Variants in PBX1 observed in about 807,000 individuals in gnomAD.
PBX1 encodes pre-B-cell leukemia transcription factor 1.
PBX1 carries 6 observed loss-of-function variants against 53.4 expected under a neutral mutation model. The ratio of observed to expected loss-of-function variants is 0.11; its 90% CI spans 0.06 to 0.22. The LOEUF (loss-of-function observed/expected upper bound fraction) is 0.22, where lower values mean the gene tolerates loss of function less well. Among genes scored for constraint, PBX1 ranks in the 10% least tolerant of loss-of-function variants. The pLI is 1.00. For missense variants in PBX1, 251 were observed against 551.4 expected, an observed-to-expected ratio of 0.46 and a Z score of 5.46; for synonymous variants, 204 against 212.3, an observed-to-expected ratio of 0.96 and a Z score of 0.34.
At chr1:164,881,674 C>A (rs185314537) in intron 2 of PBX1, among the ~76,000 whole-genome samples, 1 of 139,114 alleles carries the variant, frequency 7.2e-6, no homozygotes, top group East Asian at 2.1e-4. Context: ...AAGGAGAGAG[C>A]TAGGAAGTTC....
intron 2 of PBX1, among the ~76,000 whole-genome samples, chr1:164,613,469 G>A (rs1386898106): frequency 6.6e-6 from 1 of 152,134 alleles, no homozygotes; most frequent in Non-Finnish European, 1.5e-5. Flanking sequence ...TCAGGAATCA[G>A]CTGAAGTATC....
intron 2 of PBX1, among the ~76,000 whole-genome samples, chr1:164,765,150 T>C (rs568575274): frequency 9.9e-5 from 15 of 152,238 alleles, no homozygotes; most frequent in Admixed American, 7.2e-4. Flanking sequence ...TAGAAACATA[T>C]AGAGGTGATG....
At chr1:164,786,272 C>A (rs912207286) in intron 2 of PBX1, among the ~76,000 whole-genome samples, 1 of 152,144 alleles carries the variant, frequency 6.6e-6, no homozygotes, top group Non-Finnish European at 1.5e-5. Context: ...TGGGGAACCG[C>A]CTTTCAGGAG....
chr1:164,828,115 T>G (rs184735234), intron 8 of PBX1, among the ~76,000 whole-genome samples: 9 of 152,184 alleles, frequency 5.9e-5, no homozygotes, highest in African/African-American at 1.9e-4. Flanking sequence ...CCCAACCAAA[T>G]AGATATACCA....
At chr1:164,698,968 G>A (rs1441502738) in intron 2 of PBX1, among the ~76,000 whole-genome samples, 1 of 152,188 alleles carries the variant, frequency 6.6e-6, no homozygotes, top group South Asian at 2.1e-4. Flanking sequence ...TGGAACCACA[G>A]CCCATGCTAT....
intron 2 of PBX1, among the ~76,000 whole-genome samples, chr1:164,596,692 A>G (rs1385306226): frequency 6.6e-6 from 1 of 152,170 alleles, no homozygotes; most frequent in African/African-American, 2.4e-5. Flanking sequence ...CTGATTTTAG[A>G]CACAGCATTT....
At position 164,850,288 on chromosome 1, in the gene PBX1, T is replaced by G. The variant is rs1204755699; in HGVS notation, c.*3612T>G. 1 of 213,420 alleles carries G rather than the reference T, an allele frequency of 4.7e-6. No homozygotes were observed. The highest frequency in any genetic ancestry group is 9.4e-6 in the Non-Finnish European group (1 of 106,498). The allele number at this position is 213,420 out of a possible 1,614,324, so 13.2% of individuals were successfully genotyped here. The stretch of plus-strand genomic sequence containing the variant: ...CTAGAAAAGTGTCGAGTTGTGCACA[T>G]CCATTTCTTGTTTCACAATGTTTAA... On this transcript the variant is annotated 3_prime_UTR_variant, in exon 9 of 9. Transcript: ENST00000420696.
intron 8 of PBX1, among the ~76,000 whole-genome samples, chr1:164,836,027 C>T (rs1671021614): frequency 6.6e-6 from 1 of 152,030 alleles, no homozygotes; most frequent in Admixed American, 6.6e-5. Flanking sequence ...CCTAGTATGA[C>T]CCTAAGCCAA....
chr1:164,656,156 G>C (rs922616498), intron 2 of PBX1, among the ~76,000 whole-genome samples: 2 of 152,096 alleles, frequency 1.3e-5, no homozygotes, highest in Admixed American at 1.3e-4. Context: ...ATAATTGTTA[G>C]GATCTATCGA....
At chr1:164,644,771 A>G (rs999360103) in intron 2 of PBX1, among the ~76,000 whole-genome samples, 3 of 152,170 alleles carry the variant, frequency 2.0e-5, no homozygotes, top group South Asian at 2.1e-4. Context: ...GTTATTAAAG[A>G]GTTAATAACC....
At chr1:164,792,975 G>T (rs1448609280) in intron 3 of PBX1, among the ~76,000 whole-genome samples, 1 of 152,150 alleles carries the variant, frequency 6.6e-6, no homozygotes, top group Non-Finnish European at 1.5e-5. Flanking sequence ...AATGTGTGAC[G>T]CTGTAAATGA....
intron 2 of PBX1, among the ~76,000 whole-genome samples, chr1:164,697,799 A>C (rs1009946482): frequency 6.6e-6 from 1 of 152,200 alleles, no homozygotes; most frequent in Admixed American, 6.5e-5. Flanking sequence ...TGTGGTCTTC[A>C]CATCACCTCC....
chr1:164,733,450 T>A (rs2102144444), intron 2 of PBX1, among the ~76,000 whole-genome samples: 1 of 152,252 alleles, frequency 6.6e-6, no homozygotes, highest in East Asian at 1.9e-4. Context: ...ACAGGAGGAT[T>A]TATCTGCTGG....
intron 2 of PBX1, among the ~76,000 whole-genome samples, chr1:164,590,840 T>C (rs902254185): frequency 1.3e-5 from 2 of 152,064 alleles, no homozygotes; most frequent in African/African-American, 4.8e-5. Flanking sequence ...CAGACATTTA[T>C]TGAGGTTTTT....
At chr1:164,761,518 C>T (rs1035673507) in intron 2 of PBX1, among the ~76,000 whole-genome samples, 1 of 151,848 alleles carries the variant, frequency 6.6e-6, no homozygotes, top group Non-Finnish European at 1.5e-5. Flanking sequence ...GATCTCGACT[C>T]ACTGCAAGCT....
intron 2 of PBX1, among the ~76,000 whole-genome samples, chr1:164,564,764 T>G (rs755285732): frequency 1.3e-5 from 2 of 151,952 alleles, no homozygotes; most frequent in Non-Finnish European, 2.9e-5. Context: ...TTTGTCACAC[T>G]TTTTAGTTTC....
intron 2 of PBX1, among the ~76,000 whole-genome samples, chr1:164,782,196 C>T (rs1212289473): frequency 6.6e-6 from 1 of 152,104 alleles, no homozygotes; most frequent in East Asian, 1.9e-4. Flanking sequence ...AGCTCATGGG[C>T]CGGGGGATGG....
At chr1:164,582,582 C>A (rs1248559930) in intron 2 of PBX1, among the ~76,000 whole-genome samples, 1 of 152,020 alleles carries the variant, frequency 6.6e-6, no homozygotes, top group African/African-American at 2.4e-5. Flanking sequence ...GCCACCACAC[C>A]CAGCTAATTT....
intron 4 of PBX1, among the ~76,000 whole-genome samples, chr1:164,801,102 T>A (rs1333214708): frequency 1.3e-5 from 2 of 152,196 alleles, no homozygotes; most frequent in East Asian, 3.8e-4. Flanking sequence ...GAATATAACA[T>A]GAGAATGCCG....
Sources: allele counts gnomAD v4.1 joint callset (sites outside exome capture counted in the v4.1 genomes callset), GRCh38; gene constraint gnomAD v4.1.1; transcripts MANE v1.5; gene names NCBI Gene and HGNC (gene_info 2026-07-23, HGNC 2026-07-21).